Variants in MACF1 observed in about 807,000 individuals in gnomAD.
The protein encoded by MACF1 is microtubule actin crosslinking factor 1, also known as microtubule-actin cross-linking factor 1.
A neutral mutation model predicts 854.8 loss-of-function variants in MACF1; 193 were observed. The observed-to-expected ratio is 0.23, with a 90% CI of 0.20 to 0.25. MACF1 has a LOEUF of 0.25. Ranked by LOEUF, MACF1 falls within the 10% of genes least tolerant of loss-of-function variation. MACF1 has a pLI of 1.00. For synonymous variants in MACF1, 3,185 were observed against 3,226.7 expected (o/e 0.99, Z 0.44); for missense variants, 7,722 against 8,929.1 (o/e 0.86, Z 5.45).
intron 96 of MACF1, among the ~76,000 whole-genome samples, 199 bp downstream of exon 96, chr1:39,468,931 A>G (rs547807331): frequency 1.3e-5 from 2 of 152,268 alleles, no homozygotes; most frequent in South Asian, 4.2e-4. Context: ...GGTTGATGCT[A>G]TTTGGGGAGG....
At position 39,340,557 on chromosome 1, in the gene MACF1, G is replaced by T; in HGVS notation, c.10271G>T (p.Cys3424Phe). Residue 3424 changes from cysteine (C) to phenylalanine (F), a missense_variant, in exon 39 of 101, where the codon TGT becomes TTT. By Grantham distance (205) the Cys-to-Phe change is radical. This residue lies in a region of MACF1 where 854 missense variants were observed against 852.6 expected (regional missense o/e 1.00). Coordinates refer to ENST00000564288, the MANE Select transcript of MACF1 (RefSeq NM_001394062.1). The stretch of plus-strand genomic sequence containing the variant: ...ACCTTGGTCAGTCAGGAGCTGGAGT[G>T]TGTGAATCAGATTATCATCAGCCAG... ...LTTLVSQELE[C>F]VNQIIISQPQ... 6.2e-7 allele frequency: 1 copy of T among 1,614,102 alleles called. No individual in the cohort carries two copies. The highest frequency in any genetic ancestry group is 1.1e-5 in the South Asian group (1 of 91,082).
Position 39,119,317 on chromosome 1 carries a change from C to CAAA in MACF1, c.220+34898_220+34900dup, listed in dbSNP as rs745686071. Among the ~76,000 whole-genome samples, 465 of 84,338 alleles carry CAAA rather than the reference C, an allele frequency of 5.5e-3. 6 individuals are homozygous for CAAA. The highest frequency in any genetic ancestry group is 0.017 in the African/African-American group (366 of 21,824). The allele number at this position is 84,338 out of a possible 152,430, so 55.3% of individuals were successfully genotyped here. A position where few individuals can be genotyped will look rare whatever the true frequency, so the allele number is the denominator to read the frequency against. ...GGGCAACAAGAGCGAAACTCCGTCTCAAAAAAAAAAAAAAAAAAAAACAAC... is the reference window on the plus strand; with the variant it reads ...GGGCAACAAGAGCGAAACTCCGTCTCAAAAAAAAAAAAAAAAAAAAAAAACAAC... On this transcript the variant is annotated intron_variant, in intron 2 of 93. Coordinates refer to the MACF1 transcript ENST00000361689.
At chr1:39,255,606 T>C (rs951086323) in intron 5 of MACF1, among the ~76,000 whole-genome samples, 2 of 152,270 alleles carry the variant, frequency 1.3e-5, no homozygotes, top group African/African-American at 2.4e-5. Flanking sequence ...TCTTATTTTC[T>C]TGTTATTTCT....
intron 58 of MACF1, among the ~76,000 whole-genome samples, chr1:39,404,916 C>T (rs930360417): frequency 6.6e-6 from 1 of 152,174 alleles, no homozygotes; most frequent in Admixed American, 6.5e-5. Context: ...TACCTCCTGC[C>T]TTCCTTCTTC....
intron 24 of MACF1, 52 bp downstream of exon 24, chr1:39,309,748 CAGA>C (rs1262064788): frequency 6.3e-7 from 1 of 1,580,026 alleles, no homozygotes; most frequent in Non-Finnish European, 8.6e-7. Flanking sequence ...AAGATTTTTT[CAGA>C]AGGAGCTTTT....
chr1:39,287,478 T>C lies in MACF1; in HGVS notation c.1701T>C (p.Ala567=). The C allele has an allele frequency of 6.2e-7, 1 of 1,614,200 alleles. No homozygotes were observed. The change falls in exon 15 of 101, where the codon GCT becomes GCC. Residue 567 remains alanine, a synonymous_variant. Transcript: ENST00000564288. ...GGTTCCGAAAGCCTATGACTCGGGC[T>C]GAACTTGTGGCCATCAGCTCCTCTG... ...TSWFRKPMTR[A]ELVAISSSED...
chr1:39,235,901 A>G (rs533596117), intron 2 of MACF1, among the ~76,000 whole-genome samples: 1 of 152,138 alleles, frequency 6.6e-6, no homozygotes, highest in Admixed American at 6.5e-5. Context: ...TGCCTGGCTA[A>G]TTTTTGTGTG....
At chr1:39,165,270 C>T (rs563248922) in intron 2 of MACF1, among the ~76,000 whole-genome samples, 2 of 152,304 alleles carry the variant, frequency 1.3e-5, no homozygotes, top group East Asian at 3.9e-4. Context: ...CTCTCCACTG[C>T]AGGGAATCTG....
At chr1:39,477,135 T>TATATATACAC (rs71060314) in intron 97 of MACF1, among the ~76,000 whole-genome samples, 3 of 103,358 alleles carry the variant, frequency 2.9e-5, no homozygotes, top group Non-Finnish European at 5.8e-5. Flanking sequence ...TATATATATA[T>TATATATACAC]ACACACACAC....
chr1:39,420,225 A>G lies in MACF1; in HGVS notation c.15817-2149A>G, dbSNP rs376537852. On this transcript the variant is annotated intron_variant, in intron 58 of 100. Coordinates refer to ENST00000564288, the MANE Select transcript of MACF1 (RefSeq NM_001394062.1). ...TTGTAGAGTGAGATAGGATTTGGTT[A>G]TTGAGTAAAAGAGGGCCCTGTAATG... 1.1e-4 allele frequency among the ~76,000 whole-genome samples: 17 copies of G among 152,318 alleles called. No individual in the cohort carries two copies. In the East Asian group the frequency reaches 1.3e-3, roughly 12 times the overall value.
At position 39,335,720 on chromosome 1, in the gene MACF1, C is replaced by T. The variant is rs769765721; in HGVS notation, c.9132C>T (p.Ser3044=). 1 of 1,613,694 alleles carries T rather than the reference C, an allele frequency of 6.2e-7. No individual in the cohort carries two copies. The highest frequency in any genetic ancestry group is 8.5e-7 in the Non-Finnish European group (1 of 1,179,920). The change falls in exon 37 of 101, where the codon TCC becomes TCT. Residue 3044 remains serine, a synonymous_variant. Coordinates refer to ENST00000564288, the MANE Select transcript of MACF1 (RefSeq NM_001394062.1). The stretch of plus-strand genomic sequence containing the variant: ...CTATTACTTTTAAAATTGAAGAGTC[C>T]TCTTCCCAAGTGGTACCTCAAGGAA... ...GFSITFKIEE[S]SSQVVPQGIS...
chr1:39,317,291 G>A lies in MACF1; in HGVS notation c.3666G>A (p.Val1222=). Residue 1222 remains valine (V), a synonymous_variant, in exon 29 of 101, where the codon GTG becomes GTA. Coordinates refer to ENST00000564288, the MANE Select transcript of MACF1 (RefSeq NM_001394062.1). The part of the protein sequence containing the change: ...LDEEIAKAKV[V]AEQMSRLTPE... ...AGGAAATTGCCAAGGCCAAGGTAGTGGCAGAGCAGATGAGTCGTCTGACAC... is the reference window on the plus strand; with the variant it reads ...AGGAAATTGCCAAGGCCAAGGTAGTAGCAGAGCAGATGAGTCGTCTGACAC... The A allele has an allele frequency of 1.2e-6, 2 of 1,614,114 alleles. No homozygotes were observed. The highest frequency in any genetic ancestry group is 1.7e-6 in the Non-Finnish European group (2 of 1,180,020).
rs374619525 is a variant in MACF1 at position 39,414,312 on chromosome 1, G to T, written c.15817-8062G>T. 3.1e-6 allele frequency: 5 copies of T among 1,613,898 alleles called. No individual in the cohort carries two copies. In the African/African-American group the frequency reaches 4.0e-5, roughly 13 times the overall value. On this transcript the variant is annotated intron_variant, in intron 58 of 100. Transcript: ENST00000564288. The stretch of plus-strand genomic sequence containing the variant: ...GAGTTTCTGCCCACACTGACTCAGT[G>T]CCTATTTCAGAAGAAGGAACACCTG...
chr1:39,302,580 T>C (rs1323853506), intron 22 of MACF1, among the ~76,000 whole-genome samples: 2 of 152,206 alleles, frequency 1.3e-5, no homozygotes, highest in African/African-American at 4.8e-5. Flanking sequence ...AATGTTTTGA[T>C]TATTCACCTT....
chr1:39,427,994 G>A lies in MACF1; in HGVS notation c.16510G>A (p.Asp5504Asn), dbSNP rs775589106. Residue 5504 changes from aspartate (D) to asparagine (N), a missense_variant, in exon 63 of 101, where the codon GAT becomes AAT. By Grantham distance (23) the Asp-to-Asn change is conservative. Around this residue, in one of 15 missense-constraint regions of MACF1, gnomAD observed 2,807 missense variants for 3,235.8 expected, o/e 0.87. Coordinates refer to ENST00000564288, the MANE Select transcript of MACF1 (RefSeq NM_001394062.1). ...LEEDIENHAT[D>N]VHQAVKIGQS... ...AGAAGACATAGAAAACCATGCAACA[G>A]ATGTGCACCAGGCAGTCAAAATTGG... 6.2e-7 allele frequency: 1 copy of A among 1,614,168 alleles called. No homozygotes were observed. The highest frequency in any genetic ancestry group is 8.5e-7 in the Non-Finnish European group (1 of 1,180,006).
At chr1:39,411,270 G>A (rs756642453) in intron 58 of MACF1, 1 of 1,613,838 alleles carries the variant, frequency 6.2e-7, no homozygotes. Flanking sequence ...CTGAGGGAGA[G>A]TGGGAGGAAG....
At chr1:39,251,412 A>G (rs1645039331) in intron 3 of MACF1, among the ~76,000 whole-genome samples, 1 of 152,172 alleles carries the variant, frequency 6.6e-6, no homozygotes, top group Non-Finnish European at 1.5e-5. Flanking sequence ...TAATGATTTT[A>G]TATTGAAAAG....
At chr1:39,293,661 A>G (rs1645840666) in intron 18 of MACF1, 42 bp downstream of exon 18, 1 of 1,577,704 alleles carries the variant, frequency 6.3e-7, no homozygotes, top group East Asian at 2.3e-5. Context: ...CTTATTTAAC[A>G]GCAGCAGAAG....
intron 6 of MACF1, among the ~76,000 whole-genome samples, chr1:39,267,304 T>C (rs1413838902): frequency 3.3e-5 from 5 of 152,200 alleles, no homozygotes; most frequent in Admixed American, 1.3e-4. Flanking sequence ...TGATCTTGGC[T>C]CACTGCAACC....
Sources: gnomAD v4.1 joint callset for allele counts (sites outside exome capture counted in the v4.1 genomes callset) on GRCh38, gnomAD v4.1.1 for gene constraint, gnomAD v4.1.1 regional missense constraint, MANE v1.5 for transcripts, NCBI Gene and HGNC (gene_info 2026-07-23, HGNC 2026-07-21) for gene names.